The following RNF220 variants were observed in gnomAD, a reference collection of about 807,000 sequenced individuals.
RNF220 encodes E3 ubiquitin-protein ligase RNF220.
In RNF220, 7 loss-of-function variants were observed where a neutral mutation model predicts 67.1. That is an observed-to-expected ratio of 0.10 (90% CI 0.06 to 0.20). RNF220 has a LOEUF of 0.20. Ranked by LOEUF, RNF220 falls within the 10% of genes least tolerant of loss-of-function variation. The pLI, the probability that RNF220 is intolerant of heterozygous loss-of-function variation, is 1.00. For synonymous variants in RNF220, 270 were observed against 283.2 expected (o/e 0.95, Z 0.47); for missense variants, 565 against 740.3 (o/e 0.76, Z 2.75).
intron 1 of RNF220, among the ~76,000 whole-genome samples, chr1:44,408,228 G>T (rs1046215807): frequency 6.6e-6 from 1 of 151,942 alleles, no homozygotes; most frequent in Non-Finnish European, 1.5e-5. Flanking sequence ...GCACCCGCTC[G>T]CTGAGCCAGT....
chr1:44,487,642 G>A (rs762764431), intron 2 of RNF220, among the ~76,000 whole-genome samples: 40 of 149,702 alleles, frequency 2.7e-4, no homozygotes, highest in Non-Finnish European at 5.0e-4. Context: ...AGACCAGCCT[G>A]GCCAACATGG....
intron 2 of RNF220, among the ~76,000 whole-genome samples, chr1:44,482,606 T>C (rs2148026319): frequency 6.6e-6 from 1 of 152,172 alleles, no homozygotes; most frequent in South Asian, 2.1e-4. Context: ...ATCCTTGGCA[T>C]AGTCTAGGGT....
chr1:44,632,440 CCT>C, intron 6 of RNF220, 55 bp downstream of exon 6: 1 of 1,488,756 alleles, frequency 6.7e-7, no homozygotes, highest in Non-Finnish European at 9.1e-7. Flanking sequence ...TCCCTCCCTC[CCT>C]CACTGCCTGC....
intron 2 of RNF220, among the ~76,000 whole-genome samples, chr1:44,500,803 G>T (rs1454378465): frequency 1.3e-5 from 2 of 148,386 alleles, no homozygotes; most frequent in Non-Finnish European, 3.0e-5. Flanking sequence ...AGAGAGAGGA[G>T]GGAGGGAGGA....
chr1:44,474,518 G>C (rs1184100919), intron 2 of RNF220, among the ~76,000 whole-genome samples: 1 of 151,680 alleles, frequency 6.6e-6, no homozygotes, highest in East Asian at 1.9e-4. Flanking sequence ...AGACCAGCAT[G>C]GGCTGCACAG....
At chr1:44,494,089 C>T (rs955139515) in intron 2 of RNF220, among the ~76,000 whole-genome samples, 2 of 151,804 alleles carry the variant, frequency 1.3e-5, no homozygotes, top group South Asian at 4.2e-4. Flanking sequence ...GCCTGCAATC[C>T]CAGCTACTTG....
intron 2 of RNF220, among the ~76,000 whole-genome samples, chr1:44,598,573 C>T (rs373140302): frequency 1.6e-4 from 24 of 152,150 alleles, no homozygotes; most frequent in African/African-American, 5.5e-4. Flanking sequence ...CCAGGGGTTC[C>T]GGGTGGGGCT....
At chr1:44,573,407 A>C (rs1036502387) in intron 2 of RNF220, among the ~76,000 whole-genome samples, 7 of 152,228 alleles carry the variant, frequency 4.6e-5, no homozygotes, top group African/African-American at 1.4e-4. Flanking sequence ...GTTATGACTG[A>C]GCTATCAGTC....
chr1:44,645,891 G>A lies in RNF220; in HGVS notation c.1445+403G>A, dbSNP rs1006236650. Among the ~76,000 whole-genome samples the A allele has an allele frequency of 6.6e-6, 1 of 152,234 alleles. No homozygotes were observed. The highest frequency in any genetic ancestry group is 2.4e-5 in the African/African-American group (1 of 41,466). ...CGGGTGGCACTCGCAGTGGATTTTAGGCAGGAACATTGGGTATCATCACTT... is the reference window on the plus strand; with the variant it reads ...CGGGTGGCACTCGCAGTGGATTTTAAGCAGGAACATTGGGTATCATCACTT... On this transcript the variant is annotated intron_variant, in intron 12 of 14. Transcript: ENST00000361799. The surrounding 1 kb of genome is among the most constrained non-coding windows in gnomAD (Gnocchi z 5.0).
intron 2 of RNF220, among the ~76,000 whole-genome samples, chr1:44,560,592 C>A (rs780600296): frequency 2.6e-5 from 4 of 152,170 alleles, no homozygotes; most frequent in Non-Finnish European, 5.9e-5. Flanking sequence ...GAGACAGTCT[C>A]ACTCTGTTGC....
At chr1:44,581,965 A>C (rs532747356) in intron 2 of RNF220, among the ~76,000 whole-genome samples, 37 of 152,324 alleles carry the variant, frequency 2.4e-4, no homozygotes, top group African/African-American at 8.2e-4. Flanking sequence ...GCCCACCAGC[A>C]CCAGCATCTA....
At chr1:44,438,518 T>C (rs926382032) in intron 2 of RNF220, among the ~76,000 whole-genome samples, 2 of 152,242 alleles carry the variant, frequency 1.3e-5, no homozygotes, top group Non-Finnish European at 2.9e-5. Context: ...CGAGTACTTA[T>C]TGAATACCTA....
chr1:44,562,502 G>A (rs116242357), intron 2 of RNF220, among the ~76,000 whole-genome samples: 6 of 152,162 alleles, frequency 3.9e-5, no homozygotes, highest in South Asian at 2.1e-4. Flanking sequence ...CCATAGGTAC[G>A]TCTCCCTGTC....
chr1:44,604,807 C>A (rs1056672367), intron 2 of RNF220, among the ~76,000 whole-genome samples: 4 of 152,222 alleles, frequency 2.6e-5, no homozygotes, highest in Non-Finnish European at 4.4e-5. Flanking sequence ...CTGGAGCTGG[C>A]AGGAGGCCAT....
intron 2 of RNF220, among the ~76,000 whole-genome samples, chr1:44,433,024 G>A (rs753154469): frequency 3.3e-5 from 5 of 151,740 alleles, no homozygotes; most frequent in Admixed American, 1.3e-4. Context: ...CCGCCTTCTG[G>A]GTTCAAGTGA....
At chr1:44,618,534 G>A (rs1174067077) in intron 3 of RNF220, among the ~76,000 whole-genome samples, 1 of 152,236 alleles carries the variant, frequency 6.6e-6, no homozygotes, top group African/African-American at 2.4e-5. Context: ...CCCCTTCACA[G>A]GGGTTCCATC....
intron 2 of RNF220, among the ~76,000 whole-genome samples, chr1:44,458,476 CCACTT>C (rs1401332194): frequency 6.6e-6 from 1 of 151,936 alleles, no homozygotes; most frequent in Non-Finnish European, 1.5e-5. Context: ...TCCTCAGTAA[CCACTT>C]CAGAGAGTTA....
At chr1:44,473,153 G>A (rs1480447894) in intron 2 of RNF220, among the ~76,000 whole-genome samples, 2 of 152,090 alleles carry the variant, frequency 1.3e-5, no homozygotes, top group Admixed American at 6.5e-5. Flanking sequence ...TCCTTCTCCC[G>A]TCTTGACTGC....
intron 2 of RNF220, among the ~76,000 whole-genome samples, chr1:44,516,723 A>G (rs1659479947): frequency 6.6e-6 from 1 of 152,140 alleles, no homozygotes; most frequent in South Asian, 2.1e-4. Flanking sequence ...ACATGATCTC[A>G]TTTCATATTA....
Sources: allele counts gnomAD v4.1 joint callset (sites outside exome capture counted in the v4.1 genomes callset), GRCh38; gene constraint gnomAD v4.1.1; non-coding constraint Gnocchi (gnomAD v3.1); transcripts MANE v1.5; gene names NCBI Gene and HGNC (gene_info 2026-07-23, HGNC 2026-07-21).